Variants in GPHN observed in about 807,000 individuals in gnomAD.
GPHN encodes gephyrin.
Under a neutral mutation model 95.5 loss-of-function variants are expected in GPHN, and 17 were observed. The ratio of observed to expected loss-of-function variants is 0.18; its 90% confidence interval spans 0.12 to 0.27. GPHN has a LOEUF of 0.27. GPHN is among the 10% of genes least tolerant of loss of function. The pLI is 1.00. For synonymous variants in GPHN, 320 were observed against 322.5 expected, an observed-to-expected ratio of 0.99 and a Z score of 0.08; for missense variants, 660 against 978.1, an observed-to-expected ratio of 0.67 and a Z score of 4.34.
At chr14:66,594,121 T>C (rs576748609) in intron 1 of GPHN, among the ~76,000 whole-genome samples, 4 of 152,148 alleles carry the variant, frequency 2.6e-5, no homozygotes, top group South Asian at 2.1e-4. Flanking sequence ...AGGTAAAAAC[T>C]CTGTAAGCAG....
intron 11 of GPHN, 126 bp downstream of exon 11, chr14:67,058,912 T>TC: frequency 1.1e-6 from 1 of 872,578 alleles, no homozygotes; most frequent in South Asian, 1.4e-5. Context: ...TTATCATCAT[T>TC]CTTTTTTTTT....
chr14:66,909,689 T>G (rs1310994804), intron 5 of GPHN, among the ~76,000 whole-genome samples: 1 of 152,014 alleles, frequency 6.6e-6, no homozygotes, highest in Non-Finnish European at 1.5e-5. Context: ...CAAATATAGT[T>G]AATAATTAGA....
At chr14:66,906,471 G>A (rs1041877641) in intron 5 of GPHN, among the ~76,000 whole-genome samples, 2 of 152,128 alleles carry the variant, frequency 1.3e-5, no homozygotes, top group Admixed American at 6.6e-5. Context: ...TACATGCTTC[G>A]TGCAAGGCAG....
At chr14:66,538,565 T>C (rs2059225496) in intron 1 of GPHN, among the ~76,000 whole-genome samples, 1 of 152,082 alleles carries the variant, frequency 6.6e-6, no homozygotes, top group African/African-American at 2.4e-5. Flanking sequence ...TAAGTTTTAA[T>C]AGCTTATTTT....
At chr14:66,547,479 A>G (rs1039063862) in intron 1 of GPHN, among the ~76,000 whole-genome samples, 3 of 152,346 alleles carry the variant, frequency 2.0e-5, no homozygotes, top group East Asian at 1.9e-4. Context: ...AGGGGAGAAA[A>G]TATAGTTACA....
chr14:67,562,843 G>C, the GPHN span: 17 of 1,613,544 alleles, frequency 1.1e-5, no homozygotes, highest in African/African-American at 2.1e-4. Flanking sequence ...TGGAGGAAGT[G>C]GAGCTGGGTA....
chr14:67,360,219 C>G, the GPHN span: 1 of 401,014 alleles, frequency 2.5e-6, no homozygotes, highest in African/African-American at 2.1e-5. Context: ...CTTTTCAGGT[C>G]CTTCCATGAT....
At position 67,011,609 on chromosome 14, in the gene GPHN, G is replaced by A. The variant is rs962901683; in HGVS notation, c.964-12024G>A. Among the ~76,000 whole-genome samples, 7 of 148,896 alleles carry A rather than the reference G, an allele frequency of 4.7e-5. No homozygotes were observed. In the South Asian group the frequency reaches 8.5e-4, roughly 18 times the overall value. On this transcript the variant is annotated intron_variant, in intron 9 of 22. Coordinates refer to ENST00000478722, the MANE Select transcript of GPHN (RefSeq NM_020806.5). Reference sequence around the variant, plus strand: ...AAAAAAAAAAAAAGAAGGAAAATTAGGATTGTGTTCTTTCCACATATGGGG... The same window carrying A: ...AAAAAAAAAAAAAGAAGGAAAATTAAGATTGTGTTCTTTCCACATATGGGG...
chr14:67,352,868 G>T, the GPHN span: 1 of 1,185,076 alleles, frequency 8.4e-7, no homozygotes, highest in Non-Finnish European at 1.2e-6. Context: ...AAAATGCCAA[G>T]GGCCATGCTG....
intron 2 of GPHN, among the ~76,000 whole-genome samples, chr14:66,724,546 CAG>C (rs1270716713): frequency 2.0e-5 from 3 of 152,124 alleles, no homozygotes; most frequent in Admixed American, 1.3e-4. Context: ...AAATGTCTAA[CAG>C]GGGTAGATAG....
the GPHN span, chr14:67,473,945 C>T: frequency 8.9e-6 from 14 of 1,581,798 alleles, no homozygotes; most frequent in African/African-American, 1.1e-4. The surrounding 1 kb of genome is among the most constrained non-coding windows in gnomAD (Gnocchi z 6.5). Flanking sequence ...GGGCTGGCTG[C>T]GGGGGGCGCA....
the GPHN span, among the ~76,000 whole-genome samples, chr14:67,261,085 A>T: frequency 6.6e-6 from 1 of 152,220 alleles, no homozygotes; most frequent in East Asian, 1.9e-4. Context: ...TGCTGTGAGG[A>T]TTAAATGAGA....
intron 5 of GPHN, among the ~76,000 whole-genome samples, chr14:66,902,903 A>G (rs1444370975): frequency 2.0e-5 from 3 of 151,936 alleles, no homozygotes; most frequent in African/African-American, 4.8e-5. Context: ...CTCCTCTTCA[A>G]TTTTTTTTAG....
the GPHN span, among the ~76,000 whole-genome samples, chr14:67,656,245 CA>C: frequency 0.15 from 19,559 of 126,796 alleles, 1,238 homozygotes; most frequent in Admixed American, 0.17. Context: ...GACTCTATCT[CA>C]AAAAAAAAAA....
the GPHN span, among the ~76,000 whole-genome samples, chr14:67,402,607 C>G: frequency 4.6e-5 from 7 of 152,156 alleles, no homozygotes; most frequent in Non-Finnish European, 1.0e-4. Flanking sequence ...CTCTGGTAAC[C>G]ATCCTTCTAC....
At chr14:67,214,450 A>T in the GPHN span, among the ~76,000 whole-genome samples, 1 of 152,070 alleles carries the variant, frequency 6.6e-6, no homozygotes, top group Admixed American at 6.5e-5. Context: ...TGTTTTTCTC[A>T]GGTTTGTCAA....
the GPHN span, among the ~76,000 whole-genome samples, chr14:67,399,908 C>G: frequency 6.6e-6 from 1 of 152,202 alleles, no homozygotes; most frequent in African/African-American, 2.4e-5. Context: ...ACAAAAGCAC[C>G]TTCCTGGGAT....
intron 2 of GPHN, among the ~76,000 whole-genome samples, chr14:66,718,432 A>C (rs189464307): frequency 6.6e-6 from 1 of 152,296 alleles, no homozygotes; most frequent in East Asian, 1.9e-4. Context: ...GTTACAGCTC[A>C]TAAAGGTAGT....
At chr14:67,459,153 G>T in the GPHN span, among the ~76,000 whole-genome samples, 1 of 152,188 alleles carries the variant, frequency 6.6e-6, no homozygotes, top group Non-Finnish European at 1.5e-5. Flanking sequence ...CTCCCAAAGT[G>T]CTGGGATTAT....
Sources: gnomAD v4.1 joint callset for allele counts (sites outside exome capture counted in the v4.1 genomes callset) on GRCh38, gnomAD v4.1.1 for gene constraint, Gnocchi (gnomAD v3.1) non-coding constraint, MANE v1.5 for transcripts, NCBI Gene and HGNC (gene_info 2026-07-23, HGNC 2026-07-21) for gene names.